The following TRAPPC11 variants were observed in gnomAD, a reference collection of about 807,000 sequenced individuals.
TRAPPC11 encodes the protein foie gras homolog.
Under a neutral mutation model 151.2 loss-of-function variants are expected in TRAPPC11, and 104 were observed. The observed-to-expected ratio is 0.69, with a 90% confidence interval of 0.59 to 0.81. TRAPPC11 has a LOEUF of 0.81. Ranked by LOEUF, TRAPPC11 falls within the 30% of genes least tolerant of loss-of-function variation. The pLI is 0.00. For synonymous variants in TRAPPC11, 456 were observed against 472.3 expected (o/e 0.97, Z 0.45); for missense variants, 1,230 against 1,349.6 (o/e 0.91, Z 1.39).
At chr4:183,693,463 C>G in intron 20 of TRAPPC11, 126 bp from the exon 21 acceptor site, 1 of 1,057,038 alleles carries the variant, frequency 9.5e-7, no homozygotes, top group Non-Finnish European at 1.3e-6. Flanking sequence ...GCCTCAGTCT[C>G]CCAAAATGCT....
intron 1 of TRAPPC11, among the ~76,000 whole-genome samples, chr4:183,661,340 T>A (rs1734502412): frequency 6.7e-6 from 1 of 149,658 alleles, no homozygotes; most frequent in Non-Finnish European, 1.5e-5. Flanking sequence ...CATAATATAC[T>A]GGTATACTGG....
intron 25 of TRAPPC11, among the ~76,000 whole-genome samples, chr4:183,698,356 T>C (rs1468130225): frequency 6.6e-6 from 1 of 152,340 alleles, no homozygotes; most frequent in African/African-American, 2.4e-5. Context: ...TTCATGAGTT[T>C]TTTTTCATCT....
intron 19 of TRAPPC11, among the ~76,000 whole-genome samples, chr4:183,692,295 G>A (rs995025718): frequency 6.6e-6 from 1 of 151,854 alleles, no homozygotes; most frequent in East Asian, 1.9e-4. Context: ...AAGATAAATG[G>A]CATATAAAGT....
At position 183,663,989 on chromosome 4, in the gene TRAPPC11, G is replaced by T; in HGVS notation, c.122G>T (p.Cys41Phe). The T allele has an allele frequency of 6.2e-7, 1 of 1,614,086 alleles. No individual in the cohort carries two copies. ...AVHRAVWDAF[C>F]ANRRADRVPI... ...CATCGAGCTGTCTGGGACGCCTTCT[G>T]TGCAAATCGGAGAGCTGATCGAGTA... The change falls in exon 2 of 30, where the codon TGT becomes TTT. Residue 41 changes from cysteine to phenylalanine, a missense_variant. Physicochemically the swap from Cys to Phe is radical, Grantham distance 205 (BLOSUM62 -2). Coordinates refer to ENST00000334690, the MANE Select transcript of TRAPPC11 (RefSeq NM_021942.6).
chr4:183,674,851 G>C, intron 6 of TRAPPC11, 39 bp downstream of exon 6: 3 of 1,205,582 alleles, frequency 2.5e-6, no homozygotes, highest in Non-Finnish European at 3.6e-6. Flanking sequence ...ATTCTGGAGC[G>C]GATTATTATT....
chr4:183,662,008 CTG>C, intron 1 of TRAPPC11, among the ~76,000 whole-genome samples: 1 of 152,026 alleles, frequency 6.6e-6, no homozygotes, highest in African/African-American at 2.4e-5. Flanking sequence ...CAACAATCCT[CTG>C]GCCTTGTCCT....
intron 3 of TRAPPC11, 121 bp from the exon 4 acceptor site, chr4:183,666,939 T>G: frequency 1.4e-6 from 1 of 694,790 alleles, no homozygotes; most frequent in African/African-American, 1.8e-5. Flanking sequence ...TTTCTTCTGA[T>G]CTTGGTTTTT....
chr4:183,675,065 TA>T, intron 6 of TRAPPC11, 98 bp from the exon 7 acceptor site: 1 of 664,914 alleles, frequency 1.5e-6, no homozygotes, highest in South Asian at 3.6e-5. Context: ...CAGTTTTGAA[TA>T]TTTTTCTTCA....
At chr4:183,708,699 T>A in intron 29 of TRAPPC11, 125 bp downstream of exon 29, 1 of 827,158 alleles carries the variant, frequency 1.2e-6, no homozygotes, top group Non-Finnish European at 1.9e-6. Context: ...TTTTATTATA[T>A]GTATTTGGCA....
intron 1 of TRAPPC11, among the ~76,000 whole-genome samples, chr4:183,661,042 A>G (rs1395259012): frequency 1.3e-5 from 2 of 151,968 alleles, no homozygotes; most frequent in African/African-American, 2.4e-5. Context: ...TCATTCCTAC[A>G]TTACCCAGAA....
At chr4:183,692,908 GTGACAAGCACATATGAGA>G in intron 19 of TRAPPC11, 34 bp from the exon 20 acceptor site, 1 of 1,509,738 alleles carries the variant, frequency 6.6e-7, no homozygotes, top group Non-Finnish European at 8.9e-7. Context: ...AGAGGAGATG[GTGACAAGCACATATGAGA>G]TGACATTTCC....
Position 183,679,361 on chromosome 4 carries a change from G to A in TRAPPC11, c.840G>A (p.Arg280=). 1 of 1,605,148 alleles carries A rather than the reference G, an allele frequency of 6.2e-7. No individual in the cohort carries two copies. ...AATTTTACATTTTGCAGATCTGTAG[G>A]CTGTGTTTTCAACACAACACCCCAT... ...MAGFINYKIC[R]LCFQHNTPLD... The change falls in exon 9 of 30, where the codon AGG becomes AGA. Residue 280 remains arginine (R), a synonymous_variant. Coordinates refer to ENST00000334690, the MANE Select transcript of TRAPPC11 (RefSeq NM_021942.6).
chr4:183,671,978 G>A (rs996340280), intron 5 of TRAPPC11, among the ~76,000 whole-genome samples: 7 of 152,196 alleles, frequency 4.6e-5, no homozygotes, highest in Non-Finnish European at 8.8e-5. Flanking sequence ...ACAGATAATT[G>A]TGTGCGTATT....
In TRAPPC11 at chr4:183,674,780, CAT is replaced by C. The variant is rs1735328958; in HGVS notation, c.630_631del (p.His210GlnfsTer6). On this transcript the variant is annotated frameshift_variant, in exon 6 of 30. Transcript: ENST00000334690. LOFTEE classifies it high-confidence loss of function. ...CACTGAGATCAGAAGAGTGAAATCT[CAT>C]AAAGAATTTTTGAATAAAACAACAC... ...YYTEIRRVKSHKEFLNKTTHQ... is the reference protein window; with the variant it reads ...YYTEIRRVKSXKEFLNKTTHQ... The C allele has an allele frequency of 6.3e-7, 1 of 1,594,702 alleles. No homozygotes were observed. The highest frequency in any genetic ancestry group is 1.8e-5 in the Admixed American group (1 of 55,678).
intron 29 of TRAPPC11, among the ~76,000 whole-genome samples, chr4:183,711,804 C>T (rs1737353706): frequency 6.6e-6 from 1 of 152,170 alleles, no homozygotes; most frequent in South Asian, 2.1e-4. Flanking sequence ...GATCATCTTT[C>T]TCCTGCTTTC....
chr4:183,698,952 C>T (rs1736675622), intron 25 of TRAPPC11, among the ~76,000 whole-genome samples: 1 of 152,204 alleles, frequency 6.6e-6, no homozygotes, highest in Non-Finnish European at 1.5e-5. Flanking sequence ...CATCTCCATC[C>T]TCAGTGCCAT....
At chr4:183,686,571 G>A (rs74369831) in intron 17 of TRAPPC11, 47 bp from the exon 18 acceptor site, 89 of 1,600,972 alleles carry the variant, frequency 5.6e-5, no homozygotes, top group Non-Finnish European at 7.0e-5. Flanking sequence ...TGTGTGGGTC[G>A]TGGGTATCTG....
rs188054761 is a variant in TRAPPC11 at position 183,674,702 on chromosome 4, G to A, written c.561-11G>A. 48 of 1,488,340 alleles carry A rather than the reference G, an allele frequency of 3.2e-5. No individual in the cohort carries two copies. In the East Asian group the frequency reaches 1.1e-3, roughly 33 times the overall value. The allele number at this position is 1,488,340 out of a possible 1,614,324, so 92.2% of individuals were successfully genotyped here. On this transcript the variant is annotated splice_polypyrimidine_tract_variant and intron_variant, in intron 5 of 29. Coordinates refer to ENST00000334690, the MANE Select transcript of TRAPPC11 (RefSeq NM_021942.6). Reference sequence around the variant, plus strand: ...AATATGTAAATGCTTGTTTGTTTTTGTTTTTTACAGATTGGAAAATGCCTT... The same window carrying A: ...AATATGTAAATGCTTGTTTGTTTTTATTTTTTACAGATTGGAAAATGCCTT...
chr4:183,684,826 G>A lies in TRAPPC11; in HGVS notation c.1552G>A (p.Glu518Lys). ...QLKDYITYSL[E>K]LLGRASTLKD... ...AAAGGATTACATTACTTACTCCCTA[G>A]AACTCCTTGGTAGAGGTAACCTGAT... Residue 518 changes from glutamate to lysine, a missense_variant, in exon 15 of 30, where the codon GAA becomes AAA. Coordinates refer to ENST00000334690, the MANE Select transcript of TRAPPC11 (RefSeq NM_021942.6). The A allele has an allele frequency of 6.2e-7, 1 of 1,613,562 alleles. No homozygotes were observed. Among genetic ancestry groups the A allele is most frequent in the Non-Finnish European group, 8.5e-7 (1 of 1,179,690 alleles).
Sources: gnomAD v4.1 joint callset for allele counts (sites outside exome capture counted in the v4.1 genomes callset) on GRCh38, gnomAD v4.1.1 for gene constraint, MANE v1.5 for transcripts, NCBI Gene and HGNC (gene_info 2026-07-23, HGNC 2026-07-21) for gene names.